Variants in ZC3H12C observed in about 807,000 individuals in gnomAD.
The protein encoded by ZC3H12C is zinc finger CCCH-type containing 12C, also known as probable ribonuclease ZC3H12C.
In ZC3H12C, 20 loss-of-function variants were observed where a neutral mutation model predicts 76.3. The ratio of observed to expected loss-of-function variants is 0.26; its 90% CI spans 0.18 to 0.38. ZC3H12C has a LOEUF of 0.38. ZC3H12C is among the 10% of genes least tolerant of loss of function. ZC3H12C has a pLI of 1.00. For missense variants in ZC3H12C, 874 were observed against 1,086.5 expected (o/e 0.80, Z 2.75); for synonymous variants, 352 against 399.6 (o/e 0.88, Z 1.42).
At chr11:110,104,395 T>C (rs751858135) in intron 1 of ZC3H12C, among the ~76,000 whole-genome samples, 3 of 152,130 alleles carry the variant, frequency 2.0e-5, no homozygotes, top group Non-Finnish European at 4.4e-5. Flanking sequence ...ATGTTAGTGA[T>C]TTGGGGTCTT....
chr11:110,137,533 A>G, intron 2 of ZC3H12C, 119 bp downstream of exon 2: 1 of 1,210,354 alleles, frequency 8.3e-7, no homozygotes, highest in Non-Finnish European at 1.1e-6. Flanking sequence ...CTGTATCCTG[A>G]TGTTAACATT....
Position 110,159,406 on chromosome 11 carries a change from A to G in ZC3H12C, c.1064A>G (p.Asn355Ser). Reference protein sequence around the residue: ...ESDGIIVSNDNYRDLANEKPE... With the variant: ...ESDGIIVSNDSYRDLANEKPE... ...GACGGTATCATTGTGTCCAATGATA[A>G]CTACAGGGACTTGGCTAATGAGAAG... The change falls in exon 4 of 6, where the codon AAC (asparagine) becomes AGC (serine). Residue 355 changes from asparagine to serine, a missense_variant. Physicochemically the swap from Asn to Ser is conservative, Grantham distance 46 (BLOSUM62 1). Around this residue, in one of 3 missense-constraint regions of ZC3H12C, gnomAD observed 269 missense variants for 424.9 expected, o/e 0.63. Transcript: ENST00000278590. The G allele has an allele frequency of 6.2e-7, 1 of 1,614,016 alleles. No homozygotes were observed. Among genetic ancestry groups the G allele is most frequent in the African/African-American group, 1.3e-5 (1 of 75,072 alleles).
chr11:110,105,940 A>G (rs1565247933), intron 1 of ZC3H12C, among the ~76,000 whole-genome samples: 1 of 152,222 alleles, frequency 6.6e-6, no homozygotes, highest in Admixed American at 6.5e-5. Context: ...ATTTTTAACA[A>G]ATTCCTAGAT....
At chr11:110,097,228 C>T (rs1303150353) in intron 1 of ZC3H12C, among the ~76,000 whole-genome samples, 1 of 152,178 alleles carries the variant, frequency 6.6e-6, no homozygotes, top group Admixed American at 6.5e-5. Flanking sequence ...ATAATGTACA[C>T]GGTTTTACAT....
At chr11:110,153,629 A>C (rs993831517) in intron 3 of ZC3H12C, among the ~76,000 whole-genome samples, 1 of 152,146 alleles carries the variant, frequency 6.6e-6, no homozygotes, top group Non-Finnish European at 1.5e-5. Flanking sequence ...GAGATGCCAG[A>C]AGTCACAAGA....
At chr11:110,103,944 C>A (rs939185943) in intron 1 of ZC3H12C, among the ~76,000 whole-genome samples, 2 of 151,014 alleles carry the variant, frequency 1.3e-5, no homozygotes, top group Non-Finnish European at 2.9e-5. Flanking sequence ...CATAGCAATA[C>A]TTGTTATGCT....
intron 1 of ZC3H12C, among the ~76,000 whole-genome samples, chr11:110,117,713 T>C (rs904512668): frequency 1.4e-4 from 2 of 13,896 alleles, no homozygotes; most frequent in Non-Finnish European, 3.0e-4. Flanking sequence ...ATTATATATA[T>C]ACACACACAC....
intron 1 of ZC3H12C, among the ~76,000 whole-genome samples, chr11:110,095,090 A>G (rs1861089596): frequency 1.3e-5 from 2 of 152,236 alleles, no homozygotes; most frequent in Non-Finnish European, 2.9e-5. Flanking sequence ...AGGATAGGAA[A>G]CAGAAACTTG....
At chr11:110,094,552 A>T (rs930244794) in intron 1 of ZC3H12C, among the ~76,000 whole-genome samples, 2 of 152,216 alleles carry the variant, frequency 1.3e-5, no homozygotes, top group African/African-American at 4.8e-5. Flanking sequence ...TGTGTTATAA[A>T]TGTTTTTGTC....
intron 2 of ZC3H12C, among the ~76,000 whole-genome samples, chr11:110,142,756 A>T (rs994187752): frequency 9.9e-5 from 15 of 152,160 alleles, no homozygotes; most frequent in African/African-American, 3.4e-4. Flanking sequence ...AAGCAGTACA[A>T]TCCTGCAGAT....
At chr11:110,096,571 G>A (rs1591453229) in intron 1 of ZC3H12C, among the ~76,000 whole-genome samples, 1 of 152,202 alleles carries the variant, frequency 6.6e-6, no homozygotes, top group East Asian at 1.9e-4. Context: ...GTAAGTTGCA[G>A]AAAGGAGTTC....
At chr11:110,163,045 A>G (rs1369788211) in intron 4 of ZC3H12C, among the ~76,000 whole-genome samples, 3 of 152,240 alleles carry the variant, frequency 2.0e-5, no homozygotes, top group African/African-American at 7.2e-5. Flanking sequence ...CTCAAAACTT[A>G]CTTGAATTAA....
chr11:110,137,139 G>A lies in ZC3H12C; in HGVS notation c.498G>A (p.Leu166=), dbSNP rs1861979962. 3.1e-6 allele frequency: 5 copies of A among 1,613,684 alleles called. No homozygotes were observed. Among genetic ancestry groups the A allele is most frequent in the African/African-American group, 1.3e-5 (1 of 74,934 alleles). ...PDVVREYQTK[L]EFALKLGYSE... is the part of the protein sequence containing the mutation. The stretch of plus-strand genomic sequence containing the variant: ...TGGTGCGAGAATACCAAACAAAACT[G>A]GAGTTTGCACTTAAGTTAGGTTATT... Residue 166 remains leucine, a synonymous_variant, in exon 2 of 6, where the codon CTG becomes CTA. Transcript: ENST00000278590.
At chr11:110,105,790 TA>T (rs1861312507) in intron 1 of ZC3H12C, among the ~76,000 whole-genome samples, 1 of 151,602 alleles carries the variant, frequency 6.6e-6, no homozygotes, top group African/African-American at 2.4e-5. Context: ...TTTAAGAGAT[TA>T]TTTTTATTAG....
intron 1 of ZC3H12C, among the ~76,000 whole-genome samples, chr11:110,100,975 G>A (rs1402718022): frequency 6.6e-6 from 1 of 152,184 alleles, no homozygotes; most frequent in East Asian, 1.9e-4. Flanking sequence ...AGTTGTGAAT[G>A]CAAAGGAAAA....
chr11:110,127,992 A>C (rs915249089), intron 1 of ZC3H12C, among the ~76,000 whole-genome samples: 3 of 152,032 alleles, frequency 2.0e-5, no homozygotes, highest in African/African-American at 7.3e-5. Context: ...ATACCCCCAC[A>C]TCAAAGCTTA....
In ZC3H12C at chr11:110,106,280, T is replaced by A. The variant is rs991043295; in HGVS notation, c.21+12848T>A. Among the ~76,000 whole-genome samples, 14 of 14,064 alleles carry A rather than the reference T, an allele frequency of 1.0e-3. 5 individuals carry two copies. Among genetic ancestry groups the A allele is most frequent in the East Asian group, 0.027 (2 of 74 alleles). The allele number at this position is 14,064 out of a possible 152,430, so 9.2% of individuals were successfully genotyped here. On this transcript the variant is annotated intron_variant, in intron 1 of 5. Coordinates refer to ENST00000278590, the MANE Select transcript of ZC3H12C (RefSeq NM_033390.2). ...GAGACTCCGTCTCAAAAAAAATAAA[T>A]AAATAAATAAATAAATAAATAAAAG...
chr11:110,162,865 T>C (rs1862504953), intron 4 of ZC3H12C, among the ~76,000 whole-genome samples: 1 of 152,168 alleles, frequency 6.6e-6, no homozygotes, highest in Admixed American at 6.6e-5. Flanking sequence ...CCCATTGTGT[T>C]CCAGCCCCCT....
At position 110,171,622 on chromosome 11, in the gene ZC3H12C, T is replaced by C. The variant is rs1382094433; in HGVS notation, c.*5885T>C. The C allele has an allele frequency of 1.3e-5, 2 of 152,232 alleles. No homozygotes were observed. 9.4% of individuals were successfully genotyped at this position (152,232 alleles called of 1,614,324 possible). A position where few individuals can be genotyped will look rare whatever the true frequency, so the allele number is the denominator to read the frequency against. Reference sequence around the variant, plus strand: ...AAAAAAATTTTTAATTCGTTTTTCTTATGCTGGTTTGTTTTTCTTTAATGA... The same window carrying C: ...AAAAAAATTTTTAATTCGTTTTTCTCATGCTGGTTTGTTTTTCTTTAATGA... On this transcript the variant is annotated 3_prime_UTR_variant, in exon 6 of 6. Transcript: ENST00000278590.
Sources: allele counts gnomAD v4.1 joint callset (sites outside exome capture counted in the v4.1 genomes callset), GRCh38; gene constraint gnomAD v4.1.1; regional missense constraint gnomAD v4.1.1; transcripts MANE v1.5; gene names NCBI Gene and HGNC (gene_info 2026-07-23, HGNC 2026-07-21).